Variants in SLC20A2 observed in about 807,000 individuals in gnomAD.
SLC20A2 encodes solute carrier family 20 member 2.
A neutral mutation model predicts 61.0 loss-of-function variants in SLC20A2; 30 were observed. That is an observed-to-expected ratio of 0.49 (90% CI 0.37 to 0.67). SLC20A2 has a LOEUF of 0.67. SLC20A2 is among the 30% of genes least tolerant of loss of function. SLC20A2 has a pLI of 0.00. For missense variants in SLC20A2, 626 were observed against 866.4 expected (o/e 0.72, Z 3.48); for synonymous variants, 351 against 353.3 (o/e 0.99, Z 0.07).
intron 5 of SLC20A2, among the ~76,000 whole-genome samples, chr8:42,445,127 A>G (rs1258660561): frequency 6.6e-6 from 1 of 151,492 alleles, no homozygotes; most frequent in East Asian, 2.0e-4. Context: ...CCCCATCTCT[A>G]CCAAAAATTC....
intron 1 of SLC20A2, among the ~76,000 whole-genome samples, chr8:42,489,352 C>T (rs994385111): frequency 2.0e-5 from 3 of 152,106 alleles, no homozygotes; most frequent in Non-Finnish European, 4.4e-5. Flanking sequence ...AGTCTTTGAA[C>T]GTACGTGTAA....
intron 1 of SLC20A2, among the ~76,000 whole-genome samples, chr8:42,539,433 T>C (rs1812918920): frequency 6.6e-6 from 1 of 152,210 alleles, no homozygotes; most frequent in African/African-American, 2.4e-5. Context: ...TCAAAAAACT[T>C]ACTATTAATG....
At chr8:42,499,131 T>A in intron 1 of SLC20A2, among the ~76,000 whole-genome samples, 1 of 152,230 alleles carries the variant, frequency 6.6e-6, no homozygotes, top group Non-Finnish European at 1.5e-5. Flanking sequence ...TGCGGTCACC[T>A]GCGGCGTGGG....
intron 1 of SLC20A2, chr8:42,484,573 ATCATCTT>A: frequency 5.8e-6 from 1 of 172,496 alleles, no homozygotes. Context: ...CACGATAAAG[ATCATCTT>A]TCTTGCACTC....
In SLC20A2 at chr8:42,417,064, C is replaced by G. The variant is rs1294977048; in HGVS notation, c.*739G>C. Reference sequence around the variant, plus strand: ...GTGATCAGTGAGGGTGGGAGACAGACAATGTGAAAACGTAACACTGGCCAA... The same window carrying G: ...GTGATCAGTGAGGGTGGGAGACAGAGAATGTGAAAACGTAACACTGGCCAA... On this transcript the variant is annotated 3_prime_UTR_variant, in exon 11 of 11. Transcript: ENST00000520262. The G allele has an allele frequency of 6.5e-6, 1 of 152,714 alleles. No individual in the cohort carries two copies. Among genetic ancestry groups the G allele is most frequent in the Non-Finnish European group, 1.5e-5 (1 of 68,096 alleles). The allele number at this position is 152,714 out of a possible 1,614,324, so 9.5% of individuals were successfully genotyped here.
At chr8:42,539,533 T>C (rs760849879) in intron 1 of SLC20A2, among the ~76,000 whole-genome samples, 1 of 152,248 alleles carries the variant, frequency 6.6e-6, no homozygotes, top group Non-Finnish European at 1.5e-5. Context: ...CACAACTAGC[T>C]ACAATGTAAA....
At position 42,481,226 on chromosome 8, in the gene SLC20A2, A is replaced by G. The variant is rs868172150; in HGVS notation, c.-264-8572T>C. 1.6e-4 allele frequency among the ~76,000 whole-genome samples: 24 copies of G among 152,316 alleles called. No homozygotes were observed. In the Middle Eastern group the frequency reaches 0.01, roughly 65 times the overall value. On this transcript the variant is annotated intron_variant, in intron 1 of 10. Transcript: ENST00000520262. ...GAAGATCATAGAACATTAGGGTCTG[A>G]AGGGACTTTAGCAGTAATCGAGTCC...
At chr8:42,485,756 C>T (rs904750147) in intron 1 of SLC20A2, among the ~76,000 whole-genome samples, 6 of 150,676 alleles carry the variant, frequency 4.0e-5, no homozygotes, top group African/African-American at 1.5e-4. Flanking sequence ...GACCATCCTG[C>T]CCAACATGGT....
chr8:42,476,163 C>A (rs1377325011), intron 1 of SLC20A2, among the ~76,000 whole-genome samples: 1 of 129,234 alleles, frequency 7.7e-6, no homozygotes, highest in Non-Finnish European at 1.6e-5. Context: ...GTGGCGCGAT[C>A]TCGGCTCACT....
At chr8:42,508,377 C>T (rs546500229) in intron 1 of SLC20A2, among the ~76,000 whole-genome samples, 3 of 150,012 alleles carry the variant, frequency 2.0e-5, no homozygotes, top group East Asian at 3.9e-4. Flanking sequence ...TGTTTTGAGA[C>T]GGAGTCTCGG....
chr8:42,487,905 C>T (rs117673501), intron 1 of SLC20A2, among the ~76,000 whole-genome samples: 2,801 of 152,260 alleles, frequency 0.018, 76 homozygotes, highest in South Asian at 0.1. Flanking sequence ...TTGCCATTCT[C>T]GCCTTTCTCC....
intron 1 of SLC20A2, among the ~76,000 whole-genome samples, chr8:42,493,322 C>A (rs923733782): frequency 6.6e-6 from 1 of 152,196 alleles, no homozygotes; most frequent in African/African-American, 2.4e-5. Flanking sequence ...CTGAGGGAGC[C>A]AGTACTTTCT....
chr8:42,534,037 C>T (rs1234017061), intron 1 of SLC20A2, among the ~76,000 whole-genome samples: 2 of 151,886 alleles, frequency 1.3e-5, no homozygotes, highest in Non-Finnish European at 2.9e-5. Context: ...CAAAAGGGGC[C>T]AGGTATGGTG....
At chr8:42,523,060 T>C (rs1165287646) in intron 1 of SLC20A2, among the ~76,000 whole-genome samples, 1 of 151,996 alleles carries the variant, frequency 6.6e-6, no homozygotes, top group Non-Finnish European at 1.5e-5. Context: ...AGGCCAGGTG[T>C]GGTGGCTCAT....
chr8:42,462,407 A>G (rs1380405268), intron 4 of SLC20A2, among the ~76,000 whole-genome samples: 2 of 152,224 alleles, frequency 1.3e-5, no homozygotes, highest in African/African-American at 4.8e-5. Flanking sequence ...CATGCACTCA[A>G]TAGTTATCAA....
At chr8:42,529,420 AAT>A (rs1035311095) in intron 1 of SLC20A2, among the ~76,000 whole-genome samples, 28 of 152,222 alleles carry the variant, frequency 1.8e-4, no homozygotes, top group African/African-American at 6.8e-4. Flanking sequence ...TATTACAGAA[AAT>A]ATGTTTTATC....
At chr8:42,503,735 C>A (rs925791924), upstream of SLC20A2, among the ~76,000 whole-genome samples, 2 of 152,172 alleles carry the variant, frequency 1.3e-5, no homozygotes, top group African/African-American at 4.8e-5. Context: ...TCAGTACCCA[C>A]ATGTGCCTGG....
intron 1 of SLC20A2, chr8:42,541,269 C>T (rs1181735127): frequency 3.3e-5 from 5 of 151,148 alleles, no homozygotes; most frequent in Non-Finnish European, 7.4e-5. Context: ...ACGGCCAGGT[C>T]CACGTGGGCC....
chr8:42,523,292 T>C (rs1390044606), intron 1 of SLC20A2, among the ~76,000 whole-genome samples: 2 of 152,038 alleles, frequency 1.3e-5, no homozygotes, highest in African/African-American at 2.4e-5. Flanking sequence ...ATTGTGCCAT[T>C]GCACTCCAGC....
Sources: gnomAD v4.1 joint callset for allele counts (sites outside exome capture counted in the v4.1 genomes callset) on GRCh38, gnomAD v4.1.1 for gene constraint, MANE v1.5 for transcripts, NCBI Gene and HGNC (gene_info 2026-07-23, HGNC 2026-07-21) for gene names.